WEE1: variants seen among roughly 807,000 people sequenced by gnomAD.
The protein encoded by WEE1 is WEE1 G2 checkpoint kinase.
In WEE1, 16 loss-of-function variants were observed where a neutral mutation model predicts 68.8. The observed-to-expected ratio is 0.23, with a 90% confidence interval of 0.16 to 0.35. The LOEUF (loss-of-function observed/expected upper bound fraction) is 0.35. Ranked by LOEUF, WEE1 falls within the 10% of genes least tolerant of loss-of-function variation. The pLI is 1.00. For missense variants in WEE1, 651 were observed against 824.1 expected (o/e 0.79, Z 2.57); for synonymous variants, 349 against 318.7 (o/e 1.09, Z -1.01).
chr11:9,576,455 T>C lies in WEE1; in HGVS notation c.847-32T>C. 1 of 1,596,558 alleles carries C rather than the reference T, an allele frequency of 6.3e-7. No individual in the cohort carries two copies. Among genetic ancestry groups the C allele is most frequent in the Non-Finnish European group, 8.5e-7 (1 of 1,171,904 alleles). ...AGAAATAACTGTTTTCGTATATTTG[T>C]ATTACATATATGGAAACACTTTTTA... On this transcript the variant is annotated intron_variant, in intron 3 of 10. Coordinates refer to ENST00000450114, the MANE Select transcript of WEE1 (RefSeq NM_003390.4). The surrounding 1 kb of genome is among the most constrained non-coding windows in gnomAD (Gnocchi z 4.3).
chr11:9,582,598 G>A (rs1043281640), intron 6 of WEE1, among the ~76,000 whole-genome samples: 12 of 151,874 alleles, frequency 7.9e-5, no homozygotes, highest in African/African-American at 2.4e-4. Flanking sequence ...ATGGAGTCTC[G>A]CTCTGTTGCC....
chr11:9,577,064 G>A, intron 4 of WEE1, 78 bp from the exon 5 acceptor site: 1 of 1,469,988 alleles, frequency 6.8e-7, no homozygotes, highest in Non-Finnish European at 9.1e-7. Context: ...TTTATTGTAT[G>A]AAGTTTCAGA....
rs974021766 is a variant in WEE1, at chr11:9,573,681, C to T, written c.-253C>T. 1.2e-5 allele frequency: 2 copies of T among 172,824 alleles called. No individual in the cohort carries two copies. Among genetic ancestry groups the T allele is most frequent in the African/African-American group, 4.8e-5 (2 of 41,914 alleles). The allele number at this position is 172,824 out of a possible 1,614,324, so 10.7% of individuals were successfully genotyped here. A position where few individuals can be genotyped will look rare whatever the true frequency, so the allele number is the denominator to read the frequency against. On this transcript the variant is annotated 5_prime_UTR_variant, in exon 1 of 11. Coordinates refer to ENST00000450114, the MANE Select transcript of WEE1 (RefSeq NM_003390.4). The stretch of plus-strand genomic sequence containing the variant: ...TCGCGGGAAGCCGCGGAGCCCGAAC[C>T]TGAGACTGGACCTGAGGAGACCTCA...
chr11:9,577,727 C>G (rs1849579631), intron 5 of WEE1: 1 of 333,034 alleles, frequency 3.0e-6, no homozygotes. Context: ...GTAGTCCGGC[C>G]CTACTCCCAC....
chr11:9,579,478 A>G (rs893955327), intron 5 of WEE1: 1 of 152,154 alleles, frequency 6.6e-6, no homozygotes, highest in African/African-American at 2.4e-5. Flanking sequence ...TAAGCCTTTT[A>G]TCTTGGTTTG....
At chr11:9,585,234 C>T in intron 6 of WEE1, 24 bp from the exon 7 acceptor site, 4 of 1,532,372 alleles carry the variant, frequency 2.6e-6, no homozygotes, top group South Asian at 1.1e-5. Flanking sequence ...ATTAGTTTGG[C>T]TTACATAATT....
chr11:9,585,753 A>G (rs567618115), intron 8 of WEE1, among the ~76,000 whole-genome samples: 1 of 152,356 alleles, frequency 6.6e-6, no homozygotes, highest in East Asian at 1.9e-4. Context: ...GAACTTTATA[A>G]TGGCATATCC....
At chr11:9,581,348 T>G (rs1849625783) in intron 5 of WEE1, 184 bp from the exon 6 acceptor site, 1 of 553,426 alleles carries the variant, frequency 1.8e-6, no homozygotes, top group African/African-American at 1.9e-5. Flanking sequence ...TTTGTACCCA[T>G]GCAAATGTAT....
chr11:9,584,877 TCAG>T lies in WEE1; in HGVS notation c.1289-379_1289-377del, dbSNP rs1849682974. ...GGATCACTTGAGGCCAGGAGTTTGA[TCAG>T]CCTGGCCAACATAGTGAAACCCCGT... On this transcript the variant is annotated intron_variant, in intron 6 of 10. Coordinates refer to ENST00000450114, the MANE Select transcript of WEE1 (RefSeq NM_003390.4). Among the ~76,000 whole-genome samples the T allele has an allele frequency of 2.0e-5, 3 of 152,082 alleles. No individual in the cohort carries two copies. The South Asian group carries it at 6.2e-4, about 32-fold the overall frequency.
chr11:9,585,073 A>T lies in WEE1; in HGVS notation c.1289-185A>T, dbSNP rs971039049. ...AGAGCACACTGTCTCAAAAAAAAAC[A>T]AAAAAAATTCCCAGCAACTATAACC... is the stretch of plus-strand genomic sequence containing the variant. On this transcript the variant is annotated intron_variant, in intron 6 of 10. Coordinates refer to ENST00000450114, the MANE Select transcript of WEE1 (RefSeq NM_003390.4). 5 of 559,722 alleles carry T rather than the reference A, an allele frequency of 8.9e-6. No individual in the cohort carries two copies. The African/African-American group carries it at 9.6e-5, about 11-fold the overall frequency. 34.7% of individuals were successfully genotyped at this position (559,722 alleles called of 1,614,324 possible). A position where few individuals can be genotyped will look rare whatever the true frequency, so the allele number is the denominator to read the frequency against.
In WEE1 at chr11:9,589,322, G is replaced by A. The variant is rs923297651; in HGVS notation, c.*720G>A. The A allele has an allele frequency of 1.0e-6, 1 of 983,246 alleles. No homozygotes were observed. Among genetic ancestry groups the A allele is most frequent in the African/African-American group, 1.8e-5 (1 of 56,534 alleles). The allele number at this position is 983,246 out of a possible 1,614,324, so 60.9% of individuals were successfully genotyped here. ...TTTGAAGCTAGTGCATTGGAAAAAT[G>A]CACCCTTTCCCTCCTTTGGAATGCT... is the stretch of plus-strand genomic sequence containing the variant. On this transcript the variant is annotated 3_prime_UTR_variant, in exon 11 of 11. Coordinates refer to ENST00000450114, the MANE Select transcript of WEE1 (RefSeq NM_003390.4).
At chr11:9,577,361 T>C in intron 5 of WEE1, 98 bp downstream of exon 5, 1 of 1,439,170 alleles carries the variant, frequency 6.9e-7, no homozygotes, top group Non-Finnish European at 9.4e-7. Flanking sequence ...GTCACTTTTA[T>C]CTTTTATAAA....
At chr11:9,585,956 C>T (rs1849695199) in intron 8 of WEE1, among the ~76,000 whole-genome samples, 1 of 151,942 alleles carries the variant, frequency 6.6e-6, no homozygotes, top group Non-Finnish European at 1.5e-5. Context: ...TTAGTATGGC[C>T]TATAGTTTCA....
Position 9,576,420 on chromosome 11 carries a change from C to T in WEE1, c.847-67C>T. The stretch of plus-strand genomic sequence containing the variant: ...TTTTAAATTTCACACATAGCCCTAT[C>T]ACCATAGCAAGAAATAACTGTTTTC... On this transcript the variant is annotated intron_variant, in intron 3 of 10. Transcript: ENST00000450114. This position sits in a 1 kb window ranked among gnomAD's most constrained non-coding sequence, Gnocchi z 4.3. 6.4e-7 allele frequency: 1 copy of T among 1,573,388 alleles called. No individual in the cohort carries two copies. The highest frequency in any genetic ancestry group is 8.6e-7 in the Non-Finnish European group (1 of 1,157,484).
intron 6 of WEE1, among the ~76,000 whole-genome samples, chr11:9,584,910 A>G (rs1174034010): frequency 2.0e-5 from 3 of 152,174 alleles, no homozygotes; most frequent in Non-Finnish European, 4.4e-5. Flanking sequence ...CCCCGTCTCT[A>G]CTAAAAATAT....
At chr11:9,584,350 T>A (rs1016144315) in intron 6 of WEE1, among the ~76,000 whole-genome samples, 1 of 152,178 alleles carries the variant, frequency 6.6e-6, no homozygotes. Context: ...CTCACTATCT[T>A]GCCCAGGCTG....
At chr11:9,575,156 T>C (rs760501679) in intron 1 of WEE1, 36 of 985,626 alleles carry the variant, frequency 3.7e-5, no homozygotes, top group Admixed American at 2.5e-4. Context: ...TATCGTGGGT[T>C]TGCGGTGCCC....
rs370082104 is a variant in WEE1, at chr11:9,576,006, A to T, written c.695A>T (p.Gln232Leu). ...GAATTTGATGTGCGACAGACTCCTCAAGTGAATATTAATCCTTTTACTCCG... is the reference window on the plus strand; with the variant it reads ...GAATTTGATGTGCGACAGACTCCTCTAGTGAATATTAATCCTTTTACTCCG... The part of the protein sequence containing the change: ...KREFDVRQTP[Q>L]VNINPFTPDS... The change falls in exon 2 of 11, where the codon CAA becomes CTA. Residue 232 changes from glutamine (Q) to leucine (L), a missense_variant. Coordinates refer to ENST00000450114, the MANE Select transcript of WEE1 (RefSeq NM_003390.4). This position sits in a 1 kb window ranked among gnomAD's most constrained non-coding sequence, Gnocchi z 4.3. 5.1e-5 allele frequency: 82 copies of T among 1,614,092 alleles called. No individual in the cohort carries two copies. Among genetic ancestry groups the T allele is most frequent in the Non-Finnish European group, 6.6e-5 (78 of 1,180,036 alleles).
At position 9,581,769 on chromosome 11, in the gene WEE1, C is replaced by G. The variant is rs140093023; in HGVS notation, c.1288+91C>G. 4.2e-4 allele frequency: 547 copies of G among 1,304,554 alleles called. 4 individuals are homozygous for G. The highest frequency in any genetic ancestry group is 3.3e-3 in the African/African-American group (217 of 65,080). 80.8% of individuals were successfully genotyped at this position (1,304,554 alleles called of 1,614,324 possible). A position where few individuals can be genotyped will look rare whatever the true frequency, so the allele number is the denominator to read the frequency against. On this transcript the variant is annotated intron_variant, in intron 6 of 10. Coordinates refer to ENST00000450114, the MANE Select transcript of WEE1 (RefSeq NM_003390.4). The stretch of plus-strand genomic sequence containing the variant: ...ACAACATTGAAAAAATATATATCTT[C>G]TGTTTTCTCATTGTTAGTTTTAAAA...
Sources: gnomAD v4.1 joint callset for allele counts (sites outside exome capture counted in the v4.1 genomes callset) on GRCh38, gnomAD v4.1.1 for gene constraint, Gnocchi (gnomAD v3.1) non-coding constraint, MANE v1.5 for transcripts, NCBI Gene and HGNC (gene_info 2026-07-23, HGNC 2026-07-21) for gene names.